The following IL23R variants were observed in gnomAD, a reference collection of about 807,000 sequenced individuals.
IL23R encodes interleukin 23 receptor, also known as interleukin-23 receptor.
Under a neutral mutation model 56.9 loss-of-function variants are expected in IL23R, and 34 were observed. The observed-to-expected ratio is 0.60, with a 90% confidence interval of 0.45 to 0.80. The LOEUF (loss-of-function observed/expected upper bound fraction) is 0.80, where lower values mean the gene tolerates loss of function less well. Ranked by LOEUF, IL23R falls within the 30% of genes least tolerant of loss-of-function variation. The pLI, the probability that IL23R is intolerant of heterozygous loss-of-function variation, is 0.00. For missense variants in IL23R, 635 were observed against 730.0 expected (o/e 0.87, Z 1.50); for synonymous variants, 230 against 249.2 (o/e 0.92, Z 0.73).
chr1:67,243,238 G>A (rs1651969007), intron 9 of IL23R, among the ~76,000 whole-genome samples: 1 of 152,052 alleles, frequency 6.6e-6, no homozygotes, highest in Non-Finnish European at 1.5e-5. Flanking sequence ...AGGTAATTTG[G>A]CTTAGATCAT....
Position 67,236,038 on chromosome 1 carries a change from T to C in IL23R, c.956-675T>C, listed in dbSNP as rs962290664. Among the ~76,000 whole-genome samples the C allele has an allele frequency of 3.9e-5, 6 of 152,216 alleles. No homozygotes were observed. In the East Asian group the frequency reaches 9.6e-4, roughly 24 times the overall value. ...TCAGGAAGGAGGAGACTGGCAAGGC[T>C]GCACCAGGACCCCTTTGAGTTCAGA... On this transcript the variant is annotated intron_variant, in intron 7 of 10. Transcript: ENST00000347310.
chr1:67,230,486 A>G (rs529518593), intron 7 of IL23R, among the ~76,000 whole-genome samples: 2 of 152,216 alleles, frequency 1.3e-5, no homozygotes, highest in Admixed American at 1.3e-4. Flanking sequence ...CCTTCTCTGT[A>G]TGGTCCTTGT....
chr1:67,200,021 A>G (rs958279974), intron 4 of IL23R, among the ~76,000 whole-genome samples: 1 of 152,068 alleles, frequency 6.6e-6, no homozygotes, highest in African/African-American at 2.4e-5. Context: ...CTGTTTAGAA[A>G]ATTAAATTTT....
chr1:67,253,888 T>A (rs983230527), intron 9 of IL23R, among the ~76,000 whole-genome samples: 1 of 152,158 alleles, frequency 6.6e-6, no homozygotes, highest in Admixed American at 6.5e-5. Context: ...GGCAATTCTT[T>A]GCTCATTTAA....
At chr1:67,196,949 A>C (rs969035805) in intron 4 of IL23R, among the ~76,000 whole-genome samples, 2 of 152,224 alleles carry the variant, frequency 1.3e-5, no homozygotes, top group African/African-American at 2.4e-5. Flanking sequence ...AGTTTTCTAT[A>C]GTTCTGGTTC....
chr1:67,204,105 C>T (rs1024695375), intron 5 of IL23R, among the ~76,000 whole-genome samples: 2 of 152,062 alleles, frequency 1.3e-5, no homozygotes, highest in African/African-American at 4.8e-5. Flanking sequence ...GCTCTGTCGC[C>T]CAGGCTGGAG....
At position 67,206,911 on chromosome 1, in the gene IL23R, G is replaced by A; in HGVS notation, c.654G>A (p.Val218=). Reference sequence around the variant, plus strand: ...TTTTTTTTTTTTTTTTTTTTCTAGTGATACCTTCTGCAGCCGTCATTTCCA... The same window carrying A: ...TTTTTTTTTTTTTTTTTTTTCTAGTAATACCTTCTGCAGCCGTCATTTCCA... ...KQLQIHLDDI[V]IPSAAVISRA... The change falls in exon 6 of 11, where the codon GTG becomes GTA. Residue 218 remains valine, a splice_region_variant and synonymous_variant. Coordinates refer to ENST00000347310, the MANE Select transcript of IL23R (RefSeq NM_144701.3). 3.2e-6 allele frequency: 2 copies of A among 627,462 alleles called. No homozygotes were observed. The highest frequency in any genetic ancestry group is 5.0e-6 in the Non-Finnish European group (2 of 402,360). 38.9% of individuals were successfully genotyped at this position (627,462 alleles called of 1,614,324 possible). A position where few individuals can be genotyped will look rare whatever the true frequency, so the allele number is the denominator to read the frequency against.
intron 4 of IL23R, among the ~76,000 whole-genome samples, chr1:67,194,325 C>T (rs1647977346): frequency 6.6e-6 from 1 of 152,122 alleles, no homozygotes; most frequent in Non-Finnish European, 1.5e-5. Flanking sequence ...ATCTTCTCAT[C>T]ACATTGTTGG....
At chr1:67,239,648 C>T (rs1025913723) in intron 8 of IL23R, among the ~76,000 whole-genome samples, 4 of 151,978 alleles carry the variant, frequency 2.6e-5, no homozygotes, top group African/African-American at 9.7e-5. Context: ...CTTAACTTGC[C>T]AGTGTATGAT....
chr1:67,158,487 A>G (rs1646789361), intron 1 of IL23R, among the ~76,000 whole-genome samples: 1 of 152,224 alleles, frequency 6.6e-6, no homozygotes, highest in South Asian at 2.1e-4. Context: ...TTTTAATCAT[A>G]TACAAATTAA....
chr1:67,182,141 C>G (rs1647154783), intron 3 of IL23R, among the ~76,000 whole-genome samples: 1 of 152,146 alleles, frequency 6.6e-6, no homozygotes, highest in African/African-American at 2.4e-5. Context: ...CTGGGAGAAC[C>G]ACTACTCTCT....
Position 67,207,107 on chromosome 1 carries a change from C to T in IL23R, c.798+52C>T. The T allele has an allele frequency of 3.2e-6, 5 of 1,568,602 alleles. No homozygotes were observed. In the East Asian group the frequency reaches 1.1e-4, roughly 35 times the overall value. On this transcript the variant is annotated intron_variant, in intron 6 of 10. Coordinates refer to ENST00000347310, the MANE Select transcript of IL23R (RefSeq NM_144701.3). ...GCATGTGAATGAATGATTTAAAAGCCAACCATCAGTGGCTACAGTGGACTT... is the reference window on the plus strand; with the variant it reads ...GCATGTGAATGAATGATTTAAAAGCTAACCATCAGTGGCTACAGTGGACTT...
chr1:67,159,582 C>G (rs1341035696), intron 1 of IL23R, among the ~76,000 whole-genome samples: 1 of 152,082 alleles, frequency 6.6e-6, no homozygotes, highest in Admixed American at 6.6e-5. Context: ...TAAGTCAGGA[C>G]AAAGATGGAT....
At chr1:67,261,122 G>A (rs1470156047), downstream of IL23R, among the ~76,000 whole-genome samples, 2 of 149,350 alleles carry the variant, frequency 1.3e-5, no homozygotes, top group African/African-American at 2.5e-5. Context: ...CAATTTTATG[G>A]TCATTAAGTA....
chr1:67,153,294 T>A (rs982807965), intron 1 of IL23R, among the ~76,000 whole-genome samples: 1 of 152,190 alleles, frequency 6.6e-6, no homozygotes, highest in African/African-American at 2.4e-5. Context: ...AGTGGTGATA[T>A]CCCCTTTATC....
At chr1:67,222,241 C>T (rs1375361809) in intron 7 of IL23R, among the ~76,000 whole-genome samples, 2 of 150,582 alleles carry the variant, frequency 1.3e-5, no homozygotes, top group Admixed American at 6.6e-5. Context: ...CTCAGCCTAC[C>T]GAGTAGCTGG....
Position 67,255,943 on chromosome 1 carries a change from C to T in IL23R, c.1239+16C>T, listed in dbSNP as rs767338092. The T allele has an allele frequency of 6.4e-5, 94 of 1,460,252 alleles. No individual in the cohort carries two copies. Among genetic ancestry groups the T allele is most frequent in the Middle Eastern group, 1.7e-4 (1 of 5,772 alleles). The allele number at this position is 1,460,252 out of a possible 1,614,324, so 90.5% of individuals were successfully genotyped here. ...AATGCTACAGGTAACCTAACATCAT[C>T]CAACAAAAACTGAGTGGCAATTGAG... is the stretch of plus-strand genomic sequence containing the variant. On this transcript the variant is annotated intron_variant, in intron 10 of 10. Transcript: ENST00000347310.
intron 8 of IL23R, among the ~76,000 whole-genome samples, chr1:67,239,346 C>A (rs569239120): frequency 5.1e-4 from 78 of 152,322 alleles, no homozygotes; most frequent in African/African-American, 1.9e-3. Flanking sequence ...TCACTGCAAC[C>A]TCCACCTCCC....
Position 67,259,004 on chromosome 1 carries a change from T to C in IL23R, c.1766T>C (p.Leu589Pro). The change falls in exon 11 of 11, where the codon CTG becomes CCG. Residue 589 changes from leucine (L) to proline (P), a missense_variant. By Grantham distance (98) the Leu-to-Pro change is moderately conservative (BLOSUM62 -3). Transcript: ENST00000347310. ...AGTGAAACTATTCCAGAACAGACCC[T>C]GCTTCCTGATGAATTTGTCTCCTGT... ...SPSETIPEQT[L>P]LPDEFVSCLG... 6.2e-7 allele frequency: 1 copy of C among 1,614,108 alleles called. No individual in the cohort carries two copies.
Sources: gnomAD v4.1 joint callset for allele counts (sites outside exome capture counted in the v4.1 genomes callset) on GRCh38, gnomAD v4.1.1 for gene constraint, MANE v1.5 for transcripts, NCBI Gene and HGNC (gene_info 2026-07-23, HGNC 2026-07-21) for gene names.